The following MYO5B variants were observed in gnomAD, a reference collection of about 807,000 sequenced individuals.
MYO5B encodes unconventional myosin-Vb.
A neutral mutation model predicts 229.3 loss-of-function variants in MYO5B; 143 were observed. The ratio of observed to expected loss-of-function variants is 0.62; its 90% CI spans 0.54 to 0.72. The LOEUF is 0.72. Among genes scored for constraint, MYO5B ranks in the 30% least tolerant of loss-of-function variants. The pLI, the probability that MYO5B is intolerant of heterozygous loss-of-function variation, is 0.00. For missense variants in MYO5B, 2,321 were observed against 2,331.0 expected, an observed-to-expected ratio of 1.00 and a Z score of 0.09; for synonymous variants, 918 against 885.2, an observed-to-expected ratio of 1.04 and a Z score of -0.66.
intron 7 of MYO5B, among the ~76,000 whole-genome samples, chr18:49,987,528 C>T (rs995466509): frequency 1.4e-4 from 21 of 152,108 alleles, no homozygotes; most frequent in African/African-American, 5.1e-4. Flanking sequence ...AAATGTACCA[C>T]AAACCTCCTA....
chr18:50,112,092 G>A (rs929507672), intron 1 of MYO5B, among the ~76,000 whole-genome samples: 1 of 152,200 alleles, frequency 6.6e-6, no homozygotes, highest in African/African-American at 2.4e-5. Context: ...AGTGGGCAAA[G>A]GAAGAGAGCT....
At chr18:50,056,754 C>CT (rs80087851) in intron 1 of MYO5B, among the ~76,000 whole-genome samples, 20,145 of 140,320 alleles carry the variant, frequency 0.14, 1,644 homozygotes, top group African/African-American at 0.24. Flanking sequence ...TAATCAGAGG[C>CT]TTTTTTTTTT....
chr18:50,117,069 G>A (rs141424468), intron 1 of MYO5B, among the ~76,000 whole-genome samples: 237 of 152,134 alleles, frequency 1.6e-3, no homozygotes, highest in Non-Finnish European at 2.8e-3. Flanking sequence ...TTGATAATAA[G>A]CAATCTCTGA....
At chr18:49,936,141 A>G in intron 16 of MYO5B, 111 bp downstream of exon 16, 1 of 856,496 alleles carries the variant, frequency 1.2e-6, no homozygotes, top group Non-Finnish European at 1.9e-6. Flanking sequence ...GTGTAAGTCC[A>G]GGTGGTCATC....
chr18:50,161,831 A>T (rs1249977118), intron 1 of MYO5B, among the ~76,000 whole-genome samples: 1 of 152,262 alleles, frequency 6.6e-6, no homozygotes, highest in Non-Finnish European at 1.5e-5. Flanking sequence ...AGGGACTGTG[A>T]CAGCCAAAGC....
At chr18:50,070,983 T>C (rs1357216814) in intron 1 of MYO5B, among the ~76,000 whole-genome samples, 2 of 152,166 alleles carry the variant, frequency 1.3e-5, no homozygotes, top group Admixed American at 6.5e-5. Context: ...CAAACAGTCT[T>C]GTATGAACTT....
At chr18:50,180,555 C>T (rs2033058888) in intron 1 of MYO5B, among the ~76,000 whole-genome samples, 1 of 152,162 alleles carries the variant, frequency 6.6e-6, no homozygotes, top group Non-Finnish European at 1.5e-5. Context: ...GTAAGATACA[C>T]AAAATTTAGC....
intron 17 of MYO5B, among the ~76,000 whole-genome samples, chr18:49,917,217 T>G (rs1233444683): frequency 6.6e-6 from 1 of 152,242 alleles, no homozygotes; most frequent in East Asian, 1.9e-4. Flanking sequence ...GATCCACGTT[T>G]AACCCTTACA....
intron 10 of MYO5B, among the ~76,000 whole-genome samples, chr18:49,973,817 A>G (rs888464795): frequency 2.6e-5 from 4 of 152,226 alleles, no homozygotes; most frequent in Non-Finnish European, 5.9e-5. Context: ...CAGTCCTTTC[A>G]ATCAGGCTGG....
intron 26 of MYO5B, among the ~76,000 whole-genome samples, chr18:49,873,216 G>C (rs582210): frequency 2.6e-5 from 4 of 152,124 alleles, no homozygotes; most frequent in African/African-American, 7.2e-5. Context: ...TGACTTAAAT[G>C]GCCAATGAGA....
At chr18:50,172,288 C>CAAAAAA (rs55973734) in intron 1 of MYO5B, among the ~76,000 whole-genome samples, 3 of 90,520 alleles carry the variant, frequency 3.3e-5, no homozygotes, top group South Asian at 4.1e-4. Context: ...CAAAAAAAGA[C>CAAAAAA]AAAAAAAAAA....
In MYO5B at chr18:49,864,239, G is replaced by T. The variant is rs1568615727; in HGVS notation, c.3745C>A (p.Leu1249Met). The T allele has an allele frequency of 6.2e-7, 1 of 1,614,074 alleles. No homozygotes were observed. ...SYSLLLNQLK[L>M]AHEELEVRKE... is the part of the protein sequence containing the mutation. Reference sequence around the variant, plus strand: ...CGCACCTCGAGCTCCTCGTGGGCCAGCTTGAGCTGGTTCAGCAGGAGGCTG... The same window carrying T: ...CGCACCTCGAGCTCCTCGTGGGCCATCTTGAGCTGGTTCAGCAGGAGGCTG... Residue 1249 changes from leucine to methionine, a missense_variant, in exon 28 of 40, where the codon CTG (leucine) becomes ATG (methionine). By Grantham distance (15) the Leu-to-Met change is conservative. Around this residue, in one of 2 missense-constraint regions of MYO5B, gnomAD observed 2,113 missense variants for 2,044.7 expected, o/e 1.03. Transcript: ENST00000285039.
chr18:50,182,963 C>A (rs973961336), intron 1 of MYO5B, among the ~76,000 whole-genome samples: 7 of 152,158 alleles, frequency 4.6e-5, no homozygotes, highest in Non-Finnish European at 7.3e-5. Flanking sequence ...CCTACAACTT[C>A]AATGACAGCA....
intron 31 of MYO5B, among the ~76,000 whole-genome samples, chr18:49,852,224 C>T (rs1465590336): frequency 6.6e-6 from 1 of 152,236 alleles, no homozygotes; most frequent in Non-Finnish European, 1.5e-5. Context: ...GGTGCACAGC[C>T]CTCTTTATAG....
At chr18:50,037,647 C>A (rs1344478291) in intron 3 of MYO5B, among the ~76,000 whole-genome samples, 3 of 152,152 alleles carry the variant, frequency 2.0e-5, no homozygotes, top group Admixed American at 1.3e-4. Flanking sequence ...TGCCTGTAAT[C>A]CCAGCACTTT....
chr18:49,877,979 A>G, intron 24 of MYO5B, 97 bp from the exon 25 acceptor site: 3 of 1,452,984 alleles, frequency 2.1e-6, no homozygotes, highest in Admixed American at 1.7e-5. Flanking sequence ...CTTCTGCCTA[A>G]TTTGTCAACA....
chr18:50,181,761 T>C (rs1019823571), intron 1 of MYO5B, among the ~76,000 whole-genome samples: 2 of 152,202 alleles, frequency 1.3e-5, no homozygotes, highest in Non-Finnish European at 2.9e-5. Flanking sequence ...GCCTGCAGCT[T>C]GTTTCATAGT....
chr18:49,954,288 C>G, intron 13 of MYO5B, 25 bp downstream of exon 13: 9 of 1,613,328 alleles, frequency 5.6e-6, no homozygotes, highest in Non-Finnish European at 6.8e-6. Flanking sequence ...AAGGGAATAC[C>G]CGAGCCAACA....
At chr18:50,085,084 A>T (rs1293543985) in intron 1 of MYO5B, among the ~76,000 whole-genome samples, 2 of 152,226 alleles carry the variant, frequency 1.3e-5, no homozygotes, top group Non-Finnish European at 2.9e-5. Flanking sequence ...TAAACTAAAG[A>T]GCTTCTGCAC....
Sources: allele counts gnomAD v4.1 joint callset (sites outside exome capture counted in the v4.1 genomes callset), GRCh38; gene constraint gnomAD v4.1.1; regional missense constraint gnomAD v4.1.1; transcripts MANE v1.5; gene names NCBI Gene and HGNC (gene_info 2026-07-23, HGNC 2026-07-21).